Variants in MXI1 observed in about 807,000 individuals in gnomAD.
MXI1 encodes max-interacting protein 1.
In MXI1, 18 loss-of-function variants were observed where a neutral mutation model predicts 36.9. The ratio of observed to expected loss-of-function variants is 0.49; its 90% CI spans 0.34 to 0.72. MXI1 has a LOEUF of 0.72. Among genes scored for constraint, MXI1 ranks in the 30% least tolerant of loss-of-function variants. The pLI is 0.01. For synonymous variants in MXI1, 160 were observed against 146.7 expected (o/e 1.09, Z -0.65); for missense variants, 304 against 379.1 (o/e 0.80, Z 1.64).
chr10:110,211,357 G>C (rs1260801663), intron 1 of MXI1, among the ~76,000 whole-genome samples: 3 of 152,202 alleles, frequency 2.0e-5, no homozygotes, highest in Admixed American at 6.5e-5. Flanking sequence ...GTGGGGGGTG[G>C]AGCCAGGCTG....
At chr10:110,223,615 C>T (rs184736310) in intron 1 of MXI1, among the ~76,000 whole-genome samples, 6 of 151,772 alleles carry the variant, frequency 4.0e-5, no homozygotes, top group Admixed American at 2.0e-4. Flanking sequence ...TAAATTCTAC[C>T]CTCAACTAAC....
At chr10:110,222,117 G>C (rs752626963) in intron 1 of MXI1, among the ~76,000 whole-genome samples, 1 of 152,222 alleles carries the variant, frequency 6.6e-6, no homozygotes, top group Non-Finnish European at 1.5e-5. Flanking sequence ...GGCTCTGGGG[G>C]AAGAGGAGGG....
chr10:110,225,972 T>TC (rs1854951360), intron 1 of MXI1: 1 of 968,642 alleles, frequency 1.0e-6, no homozygotes, highest in Admixed American at 6.2e-5. Context: ...CTCCCGCCCC[T>TC]CCCCCGTGCT....
At chr10:110,222,300 C>T (rs976235409) in intron 1 of MXI1, among the ~76,000 whole-genome samples, 3 of 152,202 alleles carry the variant, frequency 2.0e-5, no homozygotes, top group African/African-American at 7.2e-5. Context: ...AAACACTTTG[C>T]AGTTTCAGGG....
intron 5 of MXI1, 47 bp downstream of exon 5, chr10:110,280,132 T>G: frequency 6.7e-7 from 1 of 1,495,602 alleles, no homozygotes; most frequent in Non-Finnish European, 9.0e-7. Context: ...CATCTCTGTA[T>G]CTGGATTTAG....
At chr10:110,274,872 A>ATTTTT (rs66570053) in intron 3 of MXI1, among the ~76,000 whole-genome samples, 42 of 109,944 alleles carry the variant, frequency 3.8e-4, no homozygotes, top group Admixed American at 6.0e-4. Flanking sequence ...GTGAATAAGG[A>ATTTTT]TTTTTTTTTT....
chr10:110,270,135 CT>C (rs1440012743), intron 3 of MXI1, among the ~76,000 whole-genome samples: 1 of 152,322 alleles, frequency 6.6e-6, no homozygotes, highest in East Asian at 1.9e-4. Flanking sequence ...GGAAAATAAG[CT>C]ATTTTGTATT....
chr10:110,232,735 A>G lies in MXI1; in HGVS notation c.407+4414A>G, dbSNP rs147266138. On this transcript the variant is annotated intron_variant, in intron 2 of 5. Coordinates refer to ENST00000332674, the MANE Select transcript of MXI1 (RefSeq NM_130439.3). Reference sequence around the variant, plus strand: ...GAATTTCTTTTTTGTGCTGAGTACCATATTAGACTGGAAGGAAGAGTGATA... The same window carrying G: ...GAATTTCTTTTTTGTGCTGAGTACCGTATTAGACTGGAAGGAAGAGTGATA... Among the ~76,000 whole-genome samples, 51 of 152,306 alleles carry G rather than the reference A, an allele frequency of 3.3e-4. 1 individual carries two copies. The highest frequency in any genetic ancestry group is 1.2e-3 in the African/African-American group (50 of 41,576).
intron 1 of MXI1, among the ~76,000 whole-genome samples, chr10:110,222,259 G>A (rs1322107279): frequency 6.6e-6 from 1 of 152,186 alleles, no homozygotes; most frequent in Non-Finnish European, 1.5e-5. Context: ...CATCCTTAAA[G>A]ATAATTGCAG....
At position 110,228,271 on chromosome 10, in the gene MXI1, C is replaced by T. The variant is rs1201192444; in HGVS notation, c.357C>T (p.Ser119=). 6.2e-7 allele frequency: 1 copy of T among 1,614,146 alleles called. No homozygotes were observed. The highest frequency in any genetic ancestry group is 1.7e-5 in the Admixed American group (1 of 60,018). ...ATTCAAAGCCCCCACGGAGGTTGAG[C>T]CGGGCACAGAAACACAGCAGCGGGA... The part of the protein sequence containing the change: ...LQHSKPPRRL[S]RAQKHSSGSS... Residue 119 remains serine (S), a synonymous_variant, in exon 2 of 6, where the codon AGC becomes AGT. Transcript: ENST00000332674.
At position 110,208,169 on chromosome 10, in the gene MXI1, T is replaced by TC. The variant is rs545792458; in HGVS notation, c.274+96dup. ...CGACCCCTGTTGCGAGCTCGGCCCG[T>TC]CCCCCCCCCGCCCAACATACACATC... On this transcript the variant is annotated intron_variant, in intron 1 of 5. Coordinates refer to ENST00000332674, the MANE Select transcript of MXI1 (RefSeq NM_130439.3). 8.7e-3 allele frequency: 10,578 copies of TC among 1,219,588 alleles called. 29 individuals are homozygous for TC. Among genetic ancestry groups the TC allele is most frequent in the East Asian group, 0.044 (1,290 of 29,058 alleles). 75.5% of individuals were successfully genotyped at this position (1,219,588 alleles called of 1,614,324 possible). A position where few individuals can be genotyped will look rare whatever the true frequency, so the allele number is the denominator to read the frequency against.
At chr10:110,280,417 A>G (rs1179148612) in intron 5 of MXI1, among the ~76,000 whole-genome samples, 1 of 151,976 alleles carries the variant, frequency 6.6e-6, no homozygotes, top group Non-Finnish European at 1.5e-5. Flanking sequence ...CCGGTGGCTC[A>G]TGCCTGTAAT....
At chr10:110,219,994 A>T (rs1162197622) in intron 1 of MXI1, among the ~76,000 whole-genome samples, 1 of 152,172 alleles carries the variant, frequency 6.6e-6, no homozygotes, top group Non-Finnish European at 1.5e-5. Flanking sequence ...AGTCATTGTG[A>T]CAATAAAAAA....
intron 1 of MXI1, among the ~76,000 whole-genome samples, chr10:110,217,971 G>A (rs1419902270): frequency 1.3e-5 from 2 of 152,228 alleles, no homozygotes; most frequent in African/African-American, 4.8e-5. Flanking sequence ...CAATATGCAG[G>A]TGCTATAATA....
intron 5 of MXI1, among the ~76,000 whole-genome samples, chr10:110,280,420 C>T (rs914472235): frequency 6.6e-6 from 1 of 151,768 alleles, no homozygotes; most frequent in Admixed American, 6.6e-5. Context: ...GTGGCTCATG[C>T]CTGTAATCCC....
intron 1 of MXI1, among the ~76,000 whole-genome samples, chr10:110,221,793 C>G (rs1854814577): frequency 6.6e-6 from 1 of 152,226 alleles, no homozygotes; most frequent in Admixed American, 6.5e-5. Flanking sequence ...CAGATAAACA[C>G]TGCCTCCCCC....
chr10:110,227,585 G>GC (rs943986524), intron 1 of MXI1: 1 of 978,108 alleles, frequency 1.0e-6, no homozygotes, highest in Admixed American at 6.1e-5. Flanking sequence ...ATGCTGGGGG[G>GC]GGTCAGGGGA....
At chr10:110,223,139 G>A (rs934294014) in intron 1 of MXI1, among the ~76,000 whole-genome samples, 22 of 152,324 alleles carry the variant, frequency 1.4e-4, no homozygotes, top group African/African-American at 5.1e-4. Context: ...GAGGTCAACT[G>A]TGAAAGGCCA....
intron 3 of MXI1, among the ~76,000 whole-genome samples, chr10:110,270,023 C>T (rs1162764597): frequency 6.6e-6 from 1 of 152,206 alleles, no homozygotes; most frequent in Non-Finnish European, 1.5e-5. Flanking sequence ...AATATTCTCT[C>T]CCATCGATGG....
Sources: allele counts gnomAD v4.1 joint callset (sites outside exome capture counted in the v4.1 genomes callset), GRCh38; gene constraint gnomAD v4.1.1; transcripts MANE v1.5; gene names NCBI Gene and HGNC (gene_info 2026-07-23, HGNC 2026-07-21).